Variants in NAPA observed in about 807,000 individuals in gnomAD.
NAPA encodes NSF attachment protein alpha, also known as alpha-soluble NSF attachment protein.
In NAPA, 18 loss-of-function variants were observed where a neutral mutation model predicts 48.0. The observed-to-expected ratio is 0.38, with a 90% CI of 0.26 to 0.56. NAPA has a LOEUF of 0.56. NAPA is among the 20% of genes least tolerant of loss of function. The pLI is 0.77. For missense variants in NAPA, 315 were observed against 385.0 expected (o/e 0.82, Z 1.52); for synonymous variants, 152 against 149.9 (o/e 1.01, Z -0.10).
chr19:47,486,811 G>A (rs1416951585), downstream of NAPA, among the ~76,000 whole-genome samples: 1 of 152,206 alleles, frequency 6.6e-6, no homozygotes, highest in Non-Finnish European at 1.5e-5. Flanking sequence ...GGAGAGAGGA[G>A]CAGGGCAGGT....
At chr19:47,499,385 A>G (rs368800058) in intron 3 of NAPA, among the ~76,000 whole-genome samples, 1 of 152,240 alleles carries the variant, frequency 6.6e-6, no homozygotes, top group African/African-American at 2.4e-5. Flanking sequence ...GAGCAGAAGG[A>G]AAGGCTTGGC....
intron 10 of NAPA, 105 bp from the exon 11 acceptor site, chr19:47,488,494 TG>T: frequency 2.3e-6 from 2 of 855,954 alleles, no homozygotes; most frequent in Non-Finnish European, 1.8e-6. Flanking sequence ...CTGTCACCCC[TG>T]GTCTCTGAGG....
At chr19:47,486,425 G>A (rs752748280), downstream of NAPA, among the ~76,000 whole-genome samples, 1 of 151,918 alleles carries the variant, frequency 6.6e-6, no homozygotes, top group East Asian at 1.9e-4. Context: ...ATCAGAGTGC[G>A]GCCCCAGTCT....
chr19:47,513,660 C>G (rs752360261), intron 1 of NAPA, among the ~76,000 whole-genome samples: 2 of 151,892 alleles, frequency 1.3e-5, no homozygotes, highest in African/African-American at 4.8e-5. Context: ...CTCAGCATGT[C>G]TCTGTCATCC....
intron 10 of NAPA, 26 bp downstream of exon 10, chr19:47,489,685 C>G: frequency 6.2e-7 from 1 of 1,613,392 alleles, no homozygotes; most frequent in Non-Finnish European, 8.5e-7. Context: ...CGTGAAGGGG[C>G]CTGGCCCCCC....
Position 47,492,002 on chromosome 19 carries a change from TG to T in NAPA, c.666+12del. On this transcript the variant is annotated intron_variant, in intron 8 of 10. Coordinates refer to ENST00000263354, the MANE Select transcript of NAPA (RefSeq NM_003827.4). ...GCCTGGTGCGGTGGTCCTGCGGGCG[TG>T]GGGTGTGCTACCTTGGCGTTGAGCA... 6.2e-7 allele frequency: 1 copy of T among 1,610,738 alleles called. No individual in the cohort carries two copies. The highest frequency in any genetic ancestry group is 8.5e-7 in the Non-Finnish European group (1 of 1,177,492).
chr19:47,491,129 C>T (rs1248965223), intron 8 of NAPA: 1 of 397,366 alleles, frequency 2.5e-6, no homozygotes, highest in Non-Finnish European at 4.6e-6. Flanking sequence ...CCACCTGGCT[C>T]AGCTGGGGCA....
chr19:47,489,604 G>A, intron 10 of NAPA, 107 bp downstream of exon 10: 1 of 1,264,044 alleles, frequency 7.9e-7, no homozygotes, highest in Admixed American at 1.9e-5. Flanking sequence ...GTGGGCTGGG[G>A]GCCAGATGAA....
intron 9 of NAPA, among the ~76,000 whole-genome samples, chr19:47,490,249 T>TG (rs200498724): frequency 3.0e-4 from 42 of 138,662 alleles, no homozygotes; most frequent in African/African-American, 1.1e-3. Context: ...GTTTTGTGTG[T>TG]GGGGGGGTGT....
intron 3 of NAPA, chr19:47,496,273 G>C (rs1182845426): frequency 6.5e-6 from 1 of 152,830 alleles, no homozygotes; most frequent in Non-Finnish European, 1.5e-5. Flanking sequence ...CCACCCACCA[G>C]CTCCTCAAAG....
In NAPA at chr19:47,493,309, A is replaced by C; in HGVS notation, c.420+107T>G. On this transcript the variant is annotated intron_variant, in intron 5 of 10. Transcript: ENST00000263354. This position sits in a 1 kb window ranked among gnomAD's most constrained non-coding sequence, Gnocchi z 6.4. The stretch of plus-strand genomic sequence containing the variant: ...ATTCTCCAAGCTCTGCCGGCGCCCC[A>C]TGCCCCCTTCTCGGCACTCAGACAC... The C allele has an allele frequency of 1.3e-6, 2 of 1,500,154 alleles. No individual in the cohort carries two copies. The highest frequency in any genetic ancestry group is 1.8e-6 in the Non-Finnish European group (2 of 1,086,998). 92.9% of individuals were successfully genotyped at this position (1,500,154 alleles called of 1,614,324 possible).
rs1449730692 is a variant in NAPA at position 47,490,802 on chromosome 19, A to G, written c.721T>C (p.Cys241Arg). The G allele has an allele frequency of 1.2e-6, 2 of 1,613,638 alleles. No individual in the cohort carries two copies. Among genetic ancestry groups the G allele is most frequent in the Non-Finnish European group, 1.7e-6 (2 of 1,179,844 alleles). Reference protein sequence around the residue: ...LFPAFSDSRECKLMKKLLEAH... With the variant: ...LFPAFSDSRERKLMKKLLEAH... ...CCAGCACTTACTTTCATCAACTTGCATTCCCGGGAATCAGAGAAAGCTGGG... is the reference window on the plus strand; with the variant it reads ...CCAGCACTTACTTTCATCAACTTGCGTTCCCGGGAATCAGAGAAAGCTGGG... The change falls in exon 9 of 11, where the codon TGC becomes CGC. Residue 241 changes from cysteine to arginine, a missense_variant. Cys to Arg is a radical substitution (Grantham distance 180). Coordinates refer to ENST00000263354, the MANE Select transcript of NAPA (RefSeq NM_003827.4).
chr19:47,496,247 CT>C, intron 3 of NAPA: 1 of 153,506 alleles, frequency 6.5e-6, no homozygotes, highest in Non-Finnish European at 1.5e-5. Flanking sequence ...TGCTCAGTCC[CT>C]TTAACCTAGT....
At chr19:47,502,339 G>A (rs1968598171) in intron 2 of NAPA, among the ~76,000 whole-genome samples, 1 of 151,478 alleles carries the variant, frequency 6.6e-6, no homozygotes, top group Non-Finnish European at 1.5e-5. Context: ...GGGGGCAGAG[G>A]TAACAAATTT....
intron 3 of NAPA, 104 bp downstream of exon 3, chr19:47,500,529 G>C: frequency 2.3e-6 from 2 of 878,764 alleles, no homozygotes; most frequent in South Asian, 2.0e-5. Flanking sequence ...ATCACATGTC[G>C]GCCACTGGAA....
chr19:47,500,144 T>G (rs1009708536), intron 3 of NAPA, among the ~76,000 whole-genome samples: 2 of 152,116 alleles, frequency 1.3e-5, no homozygotes, highest in Admixed American at 1.3e-4. Flanking sequence ...GGCAACTACA[T>G]CTCGGGCTCT....
rs1430101581 is a variant in NAPA at position 47,489,725 on chromosome 19, T to C, written c.772A>G (p.Ser258Gly). Residue 258 changes from serine (S) to glycine (G), a missense_variant, in exon 10 of 11, where the codon AGC becomes GGC. Around this residue, in one of 3 missense-constraint regions of NAPA, gnomAD observed 137 missense variants for 150.1 expected, o/e 0.91. Coordinates refer to ENST00000263354, the MANE Select transcript of NAPA (RefSeq NM_003827.4). ...TGGCCACTCACCGACTCGGTGTAGC[T>C]GTCCACATTCTGCTCCTCGTGGGCC... is the stretch of plus-strand genomic sequence containing the variant. ...LEAHEEQNVD[S>G]YTESVKEYDS... is the part of the protein sequence containing the mutation. 1.2e-6 allele frequency: 2 copies of C among 1,614,112 alleles called. No individual in the cohort carries two copies. Among genetic ancestry groups the C allele is most frequent in the South Asian group, 1.1e-5 (1 of 91,072 alleles).
At chr19:47,512,643 C>T (rs1489876712) in intron 1 of NAPA, 2 of 152,296 alleles carry the variant, frequency 1.3e-5, no homozygotes, top group African/African-American at 4.8e-5. Context: ...AACTTCTCCC[C>T]TTGTGAAGAA....
intron 10 of NAPA, 169 bp downstream of exon 10, chr19:47,489,542 C>A: frequency 1.3e-6 from 1 of 741,522 alleles, no homozygotes; most frequent in South Asian, 1.8e-5. Flanking sequence ...CTCCCTGCGC[C>A]TCTTGGCGCT....
Sources: allele counts gnomAD v4.1 joint callset (sites outside exome capture counted in the v4.1 genomes callset), GRCh38; gene constraint gnomAD v4.1.1; regional missense constraint gnomAD v4.1.1; non-coding constraint Gnocchi (gnomAD v3.1); transcripts MANE v1.5; gene names NCBI Gene and HGNC (gene_info 2026-07-23, HGNC 2026-07-21).